Variants in ATF6 observed in about 807,000 individuals in gnomAD.
The protein encoded by ATF6 is activating transcription factor 6.
Under a neutral mutation model 83.6 loss-of-function variants are expected in ATF6, and 53 were observed. The ratio of observed to expected loss-of-function variants is 0.63; its 90% CI spans 0.51 to 0.80. ATF6 has a LOEUF of 0.80. Ranked by LOEUF, ATF6 falls within the 30% of genes least tolerant of loss-of-function variation. The probability of loss-of-function intolerance (pLI) is 0.00; values close to 1 mark genes in which losing one functional copy is unlikely to be tolerated. For missense variants in ATF6, 744 were observed against 797.9 expected, an observed-to-expected ratio of 0.93 and a Z score of 0.81; for synonymous variants, 288 against 285.8, an observed-to-expected ratio of 1.01 and a Z score of -0.08.
At position 161,937,929 on chromosome 1, in the gene ATF6, C is replaced by T. The variant is rs530635097; in HGVS notation, c.1805-20517C>T. 4.4e-4 allele frequency among the ~76,000 whole-genome samples: 67 copies of T among 152,182 alleles called. 1 individual carries two copies. In the South Asian group the frequency reaches 0.013, roughly 30 times the overall value. ...CGCCACTCCTCTGTTCAGAACTTAC[C>T]AGTAGCTTTCCATCTCACTCAGAGT... is the stretch of plus-strand genomic sequence containing the variant. On this transcript the variant is annotated intron_variant, in intron 15 of 15. Coordinates refer to ENST00000367942, the MANE Select transcript of ATF6 (RefSeq NM_007348.4).
chr1:161,865,848 T>A (rs1686986050), intron 14 of ATF6, among the ~76,000 whole-genome samples: 2 of 152,232 alleles, frequency 1.3e-5, no homozygotes. Flanking sequence ...AAAAGGAAGT[T>A]AATTTTATCT....
Position 161,958,592 on chromosome 1 carries a change from T to TC in ATF6, c.1955dup (p.Pro653SerfsTer15). ...GAATCAAACCAACACCTTCTTTGGCTCCCCTCCCGCAGCCACAGAGGCAAC... is the reference window on the plus strand; with the variant it reads ...GAATCAAACCAACACCTTCTTTGGCTCCCCCTCCCGCAGCCACAGAGGCAAC... On this transcript the variant is annotated frameshift_variant, in exon 16 of 16. Coordinates refer to ENST00000367942, the MANE Select transcript of ATF6 (RefSeq NM_007348.4). LOFTEE classifies it high-confidence loss of function. 1 of 1,613,290 alleles carries TC rather than the reference T, an allele frequency of 6.2e-7. No homozygotes were observed. Among genetic ancestry groups the TC allele is most frequent in the Non-Finnish European group, 8.5e-7 (1 of 1,179,796 alleles).
rs544686704 is a variant in ATF6 at position 161,863,258 on chromosome 1, T to C, written c.1665T>C (p.Phe555=). The stretch of plus-strand genomic sequence containing the variant: ...CTTCACCCAGAAGTTATCAAGACTT[T>C]TTTGAAGCCATCCGCAGAAGGGGAG... ...YYASPRSYQD[F]FEAIRRRGDT... is the part of the protein sequence containing the mutation. The change falls in exon 14 of 16, where the codon TTT becomes TTC. Residue 555 remains phenylalanine, a synonymous_variant. Transcript: ENST00000367942. The C allele has an allele frequency of 3.7e-6, 6 of 1,613,524 alleles. No individual in the cohort carries two copies. The East Asian group carries it at 6.7e-5, about 18-fold the overall frequency.
chr1:161,780,627 C>T (rs1684612530), intron 2 of ATF6, among the ~76,000 whole-genome samples: 1 of 152,168 alleles, frequency 6.6e-6, no homozygotes, highest in African/African-American at 2.4e-5. Flanking sequence ...CCTGCCTCGG[C>T]TTCCCAAAGT....
intron 15 of ATF6, among the ~76,000 whole-genome samples, chr1:161,934,594 C>T (rs1280667613): frequency 6.6e-6 from 1 of 152,154 alleles, no homozygotes; most frequent in African/African-American, 2.4e-5. Flanking sequence ...GTAGTAGTTA[C>T]CATTTGGGTG....
chr1:161,893,457 C>T lies in ATF6; in HGVS notation c.1720-18839C>T, dbSNP rs557953635. 1.9e-4 allele frequency among the ~76,000 whole-genome samples: 29 copies of T among 152,314 alleles called. No homozygotes were observed. In the South Asian group the frequency reaches 3.5e-3, roughly 18 times the overall value. ...CTGGGATTACAGGCGTGAGCCACTG[C>T]GCCCCGCCACGGAAACTTTATTTTC... is the stretch of plus-strand genomic sequence containing the variant. On this transcript the variant is annotated intron_variant, in intron 14 of 15. Coordinates refer to ENST00000367942, the MANE Select transcript of ATF6 (RefSeq NM_007348.4).
chr1:161,925,684 C>T (rs1688298944), intron 15 of ATF6, among the ~76,000 whole-genome samples: 13 of 152,120 alleles, frequency 8.5e-5, no homozygotes, highest in Admixed American at 8.5e-4. Flanking sequence ...TACTGCCTGA[C>T]AAGAGTAAGT....
chr1:161,790,439 T>C (rs959533191), intron 4 of ATF6, among the ~76,000 whole-genome samples: 1 of 152,156 alleles, frequency 6.6e-6, no homozygotes, highest in Non-Finnish European at 1.5e-5. Flanking sequence ...TCACTGAATA[T>C]TAAAAGACTT....
intron 9 of ATF6, among the ~76,000 whole-genome samples, chr1:161,828,618 GTTA>G (rs904887993): frequency 6.6e-6 from 1 of 152,170 alleles, no homozygotes; most frequent in African/African-American, 2.4e-5. Flanking sequence ...CAGGGAGACT[GTTA>G]TTAAGTACCT....
At chr1:161,819,530 G>GA (rs1685698770) in intron 7 of ATF6, 103 bp from the exon 8 acceptor site, 1 of 948,446 alleles carries the variant, frequency 1.1e-6, no homozygotes, top group Non-Finnish European at 1.4e-6. Flanking sequence ...CCTATGCTTT[G>GA]AAAAAATTGT....
intron 15 of ATF6, among the ~76,000 whole-genome samples, chr1:161,950,447 T>C (rs1371875479): frequency 6.6e-6 from 1 of 152,220 alleles, no homozygotes; most frequent in Non-Finnish European, 1.5e-5. Flanking sequence ...TTAATCTGTT[T>C]TCAGGGTAGT....
intron 3 of ATF6, among the ~76,000 whole-genome samples, chr1:161,783,651 A>G (rs1211185227): frequency 6.6e-6 from 1 of 151,996 alleles, no homozygotes; most frequent in Non-Finnish European, 1.5e-5. Flanking sequence ...TTTATTCCTC[A>G]GCCAACAAGT....
At chr1:161,903,631 A>T (rs550006526) in intron 14 of ATF6, among the ~76,000 whole-genome samples, 28 of 152,302 alleles carry the variant, frequency 1.8e-4, no homozygotes, top group South Asian at 8.3e-4. Flanking sequence ...TTGAACACTT[A>T]TAAGTGTTGA....
chr1:161,835,733 G>A (rs1232236383), intron 9 of ATF6, among the ~76,000 whole-genome samples: 1 of 152,134 alleles, frequency 6.6e-6, no homozygotes, highest in Non-Finnish European at 1.5e-5. Context: ...CAGAGTAGGG[G>A]CCACAGCATA....
chr1:161,915,647 A>T (rs1296942940), intron 15 of ATF6, among the ~76,000 whole-genome samples: 1 of 146,192 alleles, frequency 6.8e-6, no homozygotes, highest in Non-Finnish European at 1.5e-5. Flanking sequence ...TCCTCGAGGG[A>T]GGGACTCATT....
chr1:161,780,981 G>A (rs913878902), intron 2 of ATF6, among the ~76,000 whole-genome samples: 4 of 152,126 alleles, frequency 2.6e-5, no homozygotes, highest in East Asian at 1.9e-4. Flanking sequence ...TTTATCATTT[G>A]TGACATTAAG....
intron 15 of ATF6, among the ~76,000 whole-genome samples, chr1:161,927,538 G>A (rs1688343577): frequency 6.6e-6 from 1 of 152,124 alleles, no homozygotes. Flanking sequence ...TTGATGTGGG[G>A]AAAGGCAAGA....
intron 15 of ATF6, among the ~76,000 whole-genome samples, chr1:161,957,407 T>G (rs1688990182): frequency 6.6e-6 from 1 of 152,206 alleles, no homozygotes; most frequent in Non-Finnish European, 1.5e-5. Flanking sequence ...AATTCTCCCA[T>G]GTTCACACAT....
rs1058405 is a variant in ATF6 at position 161,781,951 on chromosome 1, A to G, written c.199A>G (p.Met67Val). Reference sequence around the variant, plus strand: ...TAATCTTGATTTTGATTTGGATTTGATGCCTTGGGAGTCAGACATTTGGGA... The same window carrying G: ...TAATCTTGATTTTGATTTGGATTTGGTGCCTTGGGAGTCAGACATTTGGGA... ...FDNLDFDLDLMPWESDIWDIN... is the reference protein window; with the variant it reads ...FDNLDFDLDLVPWESDIWDIN... The change falls in exon 3 of 16, where the codon ATG becomes GTG. Residue 67 changes from methionine to valine, a missense_variant. Coordinates refer to ENST00000367942, the MANE Select transcript of ATF6 (RefSeq NM_007348.4). 0.27 allele frequency: 429,536 copies of G among 1,606,008 alleles called. 61,518 individuals are homozygous for G. Among genetic ancestry groups the G allele is most frequent in the East Asian group, 0.3 (13,526 of 44,606 alleles).
Sources: gnomAD v4.1 joint callset for allele counts (sites outside exome capture counted in the v4.1 genomes callset) on GRCh38, gnomAD v4.1.1 for gene constraint, MANE v1.5 for transcripts, NCBI Gene and HGNC (gene_info 2026-07-23, HGNC 2026-07-21) for gene names.